CGAS: variants seen among roughly 807,000 people sequenced by gnomAD.
The protein encoded by CGAS is 2'3'-cGAMP synthase.
A neutral mutation model predicts 34.0 loss-of-function variants in CGAS; 31 were observed. That is an observed-to-expected ratio of 0.91 (90% CI 0.69 to 1.23). The LOEUF (loss-of-function observed/expected upper bound fraction) is 1.23. Among genes scored for constraint, CGAS ranks in the 50% most tolerant of loss-of-function variants. The pLI is 0.00. For synonymous variants in CGAS, 266 were observed against 260.0 expected, an observed-to-expected ratio of 1.02 and a Z score of -0.22; for missense variants, 597 against 657.6, an observed-to-expected ratio of 0.91 and a Z score of 1.01.
intron 2 of CGAS, among the ~76,000 whole-genome samples, chr6:73,444,032 C>T (rs973533509): frequency 3.3e-5 from 5 of 152,206 alleles, no homozygotes; most frequent in Non-Finnish European, 2.9e-5. Context: ...CTCTGTCGCC[C>T]AGGCTGGAGT....
At chr6:73,438,212 G>A (rs1219007088) in intron 3 of CGAS, among the ~76,000 whole-genome samples, 2 of 152,198 alleles carry the variant, frequency 1.3e-5, no homozygotes, top group East Asian at 1.9e-4. Flanking sequence ...TCTAGTACAA[G>A]TATTTTCACT....
At chr6:73,431,957 A>G (rs547763602) in intron 3 of CGAS, among the ~76,000 whole-genome samples, 56 of 151,290 alleles carry the variant, frequency 3.7e-4, no homozygotes, top group Admixed American at 9.9e-4. Flanking sequence ...AGCCGTTCCA[A>G]TAGCGGGACC....
chr6:73,451,705 C>T lies in CGAS; in HGVS notation c.477G>A (p.Ala159=), dbSNP rs759020762. The T allele has an allele frequency of 6.2e-7, 1 of 1,613,716 alleles. No homozygotes were observed. ...SAPILVRRDA[A]PGASKLRAVL... is the part of the protein sequence containing the mutation. ...CCGCCCGGAGCTTCGAGGCCCCAGG[C>T]GCCGCATCCCTCCGTACGAGAATGG... is the stretch of plus-strand genomic sequence containing the variant. The change falls in exon 1 of 5, where the codon GCG becomes GCA. Residue 159 remains alanine (A), a synonymous_variant. Coordinates refer to ENST00000370315, the MANE Select transcript of CGAS (RefSeq NM_138441.3).
chr6:73,425,253 C>G lies in CGAS; in HGVS notation c.1543G>C (p.Glu515Gln). ...CAAAATTCATCAAAAACTGGAAACT[C>G]ATTGTTTCTTTCATATTCAATTTGC... ...TKQIEYERNN[E>Q]FPVFDEF Residue 515 changes from glutamate to glutamine, a missense_variant, in exon 5 of 5, where the codon GAG becomes CAG. By Grantham distance (29) the Glu-to-Gln change is conservative (BLOSUM62 2). Around this residue, in one of 3 missense-constraint regions of CGAS, gnomAD observed 271 missense variants for 324.1 expected, o/e 0.84. Coordinates refer to ENST00000370315, the MANE Select transcript of CGAS (RefSeq NM_138441.3). The G allele has an allele frequency of 6.3e-7, 1 of 1,588,982 alleles. No homozygotes were observed. The highest frequency in any genetic ancestry group is 8.6e-7 in the Non-Finnish European group (1 of 1,168,894).
At chr6:73,448,986 G>A (rs1337626589) in intron 1 of CGAS, among the ~76,000 whole-genome samples, 1 of 151,996 alleles carries the variant, frequency 6.6e-6, no homozygotes, top group Non-Finnish European at 1.5e-5. Flanking sequence ...TTACTCTGGA[G>A]GCTGAGGCAG....
chr6:73,431,934 ATCT>A (rs1770201040), intron 3 of CGAS, among the ~76,000 whole-genome samples: 4 of 151,096 alleles, frequency 2.6e-5, no homozygotes, highest in Admixed American at 2.6e-4. Context: ...GCCTCAAGCA[ATCT>A]TCTCATGTTA....
At chr6:73,445,948 C>T (rs1770461456) in intron 1 of CGAS, among the ~76,000 whole-genome samples, 1 of 152,124 alleles carries the variant, frequency 6.6e-6, no homozygotes, top group Admixed American at 6.6e-5. Flanking sequence ...AGGTTCTACA[C>T]TCAATTAATT....
chr6:73,447,430 C>A (rs1352906541), intron 1 of CGAS, among the ~76,000 whole-genome samples: 1 of 151,900 alleles, frequency 6.6e-6, no homozygotes, highest in African/African-American at 2.4e-5. Context: ...AATACAGGCG[C>A]GCACCAACAC....
At chr6:73,442,110 T>C (rs977279856) in intron 2 of CGAS, among the ~76,000 whole-genome samples, 21 of 152,122 alleles carry the variant, frequency 1.4e-4, no homozygotes, top group African/African-American at 4.6e-4. Flanking sequence ...TGAGCTCAAA[T>C]GATCTGCCTA....
rs1482870648 is a variant in CGAS at position 73,446,441 on chromosome 6, T to A, written c.658-694A>T. On this transcript the variant is annotated intron_variant, in intron 1 of 4. Transcript: ENST00000370315. ...AGCATTATTTATTGAAAAAAAAAAA[T>A]CGGGCCGGGCGCGGTGGCTCACGCC... Among the ~76,000 whole-genome samples the A allele has an allele frequency of 3.0e-4, 8 of 26,448 alleles. 2 individuals are homozygous for A. Among genetic ancestry groups the A allele is most frequent in the Admixed American group, 3.5e-4 (1 of 2,822 alleles). 17.4% of individuals were successfully genotyped at this position (26,448 alleles called of 152,430 possible).
chr6:73,445,821 A>AT (rs200128400), intron 1 of CGAS, 74 bp from the exon 2 acceptor site: 13,634 of 1,139,964 alleles, frequency 0.012, 140 homozygotes, highest in Middle Eastern at 0.037. Context: ...TTTTTAAAAA[A>AT]TTTCCACTTA....
At chr6:73,431,055 T>C (rs1415236658) in intron 3 of CGAS, among the ~76,000 whole-genome samples, 1 of 151,598 alleles carries the variant, frequency 6.6e-6, no homozygotes, top group African/African-American at 2.4e-5. Context: ...TGAGCCAAGA[T>C]CATGCCATTG....
chr6:73,427,676 CA>C (rs1330759265), intron 4 of CGAS, among the ~76,000 whole-genome samples: 10 of 150,094 alleles, frequency 6.7e-5, no homozygotes, highest in Admixed American at 4.6e-4. Flanking sequence ...TATGCCATCA[CA>C]AAAAAAAATG....
At chr6:73,446,064 C>T (rs1770463603) in intron 1 of CGAS, among the ~76,000 whole-genome samples, 1 of 152,176 alleles carries the variant, frequency 6.6e-6, no homozygotes, top group African/African-American at 2.4e-5. Flanking sequence ...TGCAGTGGCT[C>T]ATGCCTGTAA....
chr6:73,433,870 G>C (rs1462760982), intron 3 of CGAS, among the ~76,000 whole-genome samples: 1 of 152,064 alleles, frequency 6.6e-6, no homozygotes, highest in Non-Finnish European at 1.5e-5. Context: ...TGAAGTGCTG[G>C]AATTACAGGC....
chr6:73,433,526 G>A (rs1374165401), intron 3 of CGAS, among the ~76,000 whole-genome samples: 1 of 147,666 alleles, frequency 6.8e-6, no homozygotes, highest in Admixed American at 6.8e-5. Context: ...GTCTCTCTCT[G>A]TCACCAGGCT....
At chr6:73,434,811 A>C (rs1265480777) in intron 3 of CGAS, among the ~76,000 whole-genome samples, 1 of 151,726 alleles carries the variant, frequency 6.6e-6, no homozygotes, top group Non-Finnish European at 1.5e-5. Context: ...ACGCCTGGCT[A>C]ATTTTTGTAT....
intron 3 of CGAS, among the ~76,000 whole-genome samples, chr6:73,431,890 C>G (rs181847361): frequency 6.6e-6 from 1 of 152,058 alleles, no homozygotes; most frequent in Non-Finnish European, 1.5e-5. Flanking sequence ...GGCTGGAGTG[C>G]GTGAACACAG....
At chr6:73,425,646 C>T in intron 4 of CGAS, 68 bp from the exon 5 acceptor site, 3 of 1,024,844 alleles carry the variant, frequency 2.9e-6, no homozygotes, top group East Asian at 5.2e-5. Flanking sequence ...TTAGGCATCT[C>T]ATAGCAAAAA....
Sources: allele counts gnomAD v4.1 joint callset (sites outside exome capture counted in the v4.1 genomes callset), GRCh38; gene constraint gnomAD v4.1.1; regional missense constraint gnomAD v4.1.1; transcripts MANE v1.5; gene names NCBI Gene and HGNC (gene_info 2026-07-23, HGNC 2026-07-21).